The following GRIK2 variants were observed in gnomAD, a reference collection of about 807,000 sequenced individuals.
GRIK2 encodes the protein glutamate ionotropic receptor kainate type subunit 2, also known as glutamate receptor ionotropic, kainate 2.
Under a neutral mutation model 100.3 loss-of-function variants are expected in GRIK2, and 32 were observed. The ratio of observed to expected loss-of-function variants is 0.32; its 90% CI spans 0.24 to 0.43. GRIK2 has a LOEUF of 0.43. Among genes scored for constraint, GRIK2 ranks in the 20% least tolerant of loss-of-function variants. The pLI is 1.00. For missense variants in GRIK2, 843 were observed against 1,114.9 expected (o/e 0.76, Z 3.47); for synonymous variants, 417 against 389.4 (o/e 1.07, Z -0.83).
At chr6:101,701,872 G>T (rs1772923383) in intron 7 of GRIK2, among the ~76,000 whole-genome samples, 1 of 151,930 alleles carries the variant, frequency 6.6e-6, no homozygotes, top group South Asian at 2.1e-4. Flanking sequence ...CAAAGAAAAT[G>T]ACAATTATCA....
chr6:101,916,190 A>G (rs1789092038), intron 12 of GRIK2, among the ~76,000 whole-genome samples: 1 of 151,544 alleles, frequency 6.6e-6, no homozygotes, highest in Non-Finnish European at 1.5e-5. Context: ...AAATATTTAT[A>G]TTATTAGGCT....
intron 14 of GRIK2, among the ~76,000 whole-genome samples, chr6:101,958,179 G>T (rs1792058454): frequency 6.7e-6 from 1 of 148,922 alleles, no homozygotes; most frequent in Non-Finnish European, 1.5e-5. Context: ...GTCATCTACA[G>T]TTTTTTTCAT....
chr6:101,999,493 T>A (rs574795269), intron 14 of GRIK2, among the ~76,000 whole-genome samples: 1 of 152,270 alleles, frequency 6.6e-6, no homozygotes, highest in East Asian at 1.9e-4. Flanking sequence ...CTATTGTAAA[T>A]GGTATTTTCA....
chr6:101,725,553 T>C (rs1774801860), intron 7 of GRIK2, among the ~76,000 whole-genome samples: 1 of 152,058 alleles, frequency 6.6e-6, no homozygotes, highest in Admixed American at 6.6e-5. Context: ...GTTTTTTGTA[T>C]AGAAGACATT....
rs558016145 is a variant in GRIK2 at position 101,799,461 on chromosome 6, T to C, written c.952-187T>C. On this transcript the variant is annotated intron_variant, in intron 7 of 16. Coordinates refer to ENST00000369134, the MANE Select transcript of GRIK2 (RefSeq NM_021956.5). ...GTCAAATTTTCTTATGGAGCTGATG[T>C]AGTAATTTGATCATAATGTCTTGTT... Among the ~76,000 whole-genome samples, 27 of 152,258 alleles carry C rather than the reference T, an allele frequency of 1.8e-4. No individual in the cohort carries two copies. The South Asian group carries it at 4.3e-3, about 25-fold the overall frequency.
chr6:101,633,992 T>C (rs923089501), intron 4 of GRIK2, among the ~76,000 whole-genome samples: 2 of 151,826 alleles, frequency 1.3e-5, no homozygotes, highest in African/African-American at 2.4e-5. Context: ...TTGTGGGGGT[T>C]TTTTTTGGCT....
intron 2 of GRIK2, among the ~76,000 whole-genome samples, chr6:101,433,239 G>GA (rs2128243667): frequency 6.6e-6 from 1 of 152,296 alleles, no homozygotes; most frequent in South Asian, 2.1e-4. Flanking sequence ...TCGGCATCTA[G>GA]AAAACACTTG....
intron 2 of GRIK2, among the ~76,000 whole-genome samples, chr6:101,583,564 C>T (rs1295839599): frequency 2.0e-5 from 3 of 152,102 alleles, no homozygotes; most frequent in African/African-American, 7.2e-5. Flanking sequence ...AACTATGATG[C>T]ATCAGATAGT....
At chr6:101,874,754 G>C (rs577741295) in intron 11 of GRIK2, among the ~76,000 whole-genome samples, 1 of 152,012 alleles carries the variant, frequency 6.6e-6, no homozygotes, top group Non-Finnish European at 1.5e-5. Flanking sequence ...CCATTTGTTT[G>C]TCTCCTCTTT....
At chr6:101,755,957 A>G (rs763170704) in intron 7 of GRIK2, among the ~76,000 whole-genome samples, 7 of 152,090 alleles carry the variant, frequency 4.6e-5, no homozygotes, top group Non-Finnish European at 8.8e-5. Context: ...CTCCTGGGGG[A>G]AAATGTTTAT....
At chr6:101,837,626 G>C (rs1257938035) in intron 10 of GRIK2, among the ~76,000 whole-genome samples, 1 of 152,138 alleles carries the variant, frequency 6.6e-6, no homozygotes, top group African/African-American at 2.4e-5. Context: ...TAGTCTTCTA[G>C]ATTTCAACAT....
At chr6:101,872,599 T>G (rs766675110) in intron 11 of GRIK2, among the ~76,000 whole-genome samples, 59 of 151,892 alleles carry the variant, frequency 3.9e-4, no homozygotes, top group Non-Finnish European at 8.0e-4. Context: ...CCAAACCATA[T>G]TACCATCAGT....
intron 14 of GRIK2, among the ~76,000 whole-genome samples, chr6:102,022,241 A>G (rs1769466729): frequency 6.6e-6 from 1 of 151,574 alleles, no homozygotes; most frequent in Non-Finnish European, 1.5e-5. Context: ...AACAGAGTCC[A>G]TAAATCATGA....
At chr6:101,986,445 G>T (rs956134742) in intron 14 of GRIK2, among the ~76,000 whole-genome samples, 4 of 151,804 alleles carry the variant, frequency 2.6e-5, no homozygotes, top group African/African-American at 7.2e-5. Flanking sequence ...ACATTACTCA[G>T]TTTTCATATT....
intron 7 of GRIK2, among the ~76,000 whole-genome samples, chr6:101,774,740 T>C (rs1470722325): frequency 1.3e-5 from 2 of 152,198 alleles, no homozygotes; most frequent in East Asian, 1.9e-4. Flanking sequence ...CTGTACATGA[T>C]GTTTGAAAAT....
intron 14 of GRIK2, among the ~76,000 whole-genome samples, chr6:101,979,688 T>C (rs985404653): frequency 1.1e-4 from 16 of 151,912 alleles, no homozygotes; most frequent in Admixed American, 7.2e-4. Flanking sequence ...AGCTAGTTCT[T>C]CTAGCATGCA....
intron 7 of GRIK2, among the ~76,000 whole-genome samples, chr6:101,714,401 A>AT (rs1311838292): frequency 6.6e-6 from 1 of 151,756 alleles, no homozygotes; most frequent in Non-Finnish European, 1.5e-5. Context: ...CTTCAAATAT[A>AT]TTGATGTATC....
intron 7 of GRIK2, among the ~76,000 whole-genome samples, chr6:101,760,720 A>T (rs1562364895): frequency 9.9e-6 from 1 of 101,290 alleles, no homozygotes; most frequent in East Asian, 5.2e-4. Context: ...ATTTAATTAT[A>T]TTTAATTATA....
At chr6:101,460,891 C>G (rs1771271510) in intron 2 of GRIK2, among the ~76,000 whole-genome samples, 1 of 151,954 alleles carries the variant, frequency 6.6e-6, no homozygotes, top group Admixed American at 6.6e-5. Context: ...CAAATTGACT[C>G]CTTATAATGA....
Sources: allele counts gnomAD v4.1 joint callset (sites outside exome capture counted in the v4.1 genomes callset), GRCh38; gene constraint gnomAD v4.1.1; transcripts MANE v1.5; gene names NCBI Gene and HGNC (gene_info 2026-07-23, HGNC 2026-07-21).